Variants in GPATCH2 observed in about 807,000 individuals in gnomAD.
GPATCH2 encodes G-patch domain containing 2.
GPATCH2 carries 51 observed loss-of-function variants against 58.0 expected under a neutral mutation model. The observed-to-expected ratio is 0.88, with a 90% CI of 0.70 to 1.11. The LOEUF is 1.11. GPATCH2 is among the 50% of genes most tolerant of loss of function. The pLI, the probability that GPATCH2 is intolerant of heterozygous loss-of-function variation, is 0.00. For missense variants in GPATCH2, 625 were observed against 652.2 expected (o/e 0.96, Z 0.45); for synonymous variants, 222 against 218.5 (o/e 1.02, Z -0.14).
At chr1:217,493,959 G>GAA in intron 7 of GPATCH2, among the ~76,000 whole-genome samples, 1 of 149,172 alleles carries the variant, frequency 6.7e-6, no homozygotes, top group Middle Eastern at 3.4e-3. Flanking sequence ...AAATGTTATG[G>GAA]AAAAAAAAAT....
intron 8 of GPATCH2, among the ~76,000 whole-genome samples, chr1:217,475,224 A>C (rs1660916384): frequency 6.6e-6 from 1 of 152,176 alleles, no homozygotes; most frequent in East Asian, 1.9e-4. Flanking sequence ...GGATCATTTG[A>C]GGTCAGGAGT....
chr1:217,553,562 G>A (rs1386912658), intron 5 of GPATCH2, among the ~76,000 whole-genome samples: 2 of 151,760 alleles, frequency 1.3e-5, no homozygotes, highest in African/African-American at 4.8e-5. Flanking sequence ...AAAGTATTTA[G>A]GGAACATTAA....
intron 5 of GPATCH2, among the ~76,000 whole-genome samples, chr1:217,555,929 T>A (rs184790405): frequency 1.8e-4 from 28 of 152,308 alleles, no homozygotes; most frequent in African/African-American, 6.7e-4. Context: ...ATACAGGTCA[T>A]ACTCCAAATT....
intron 5 of GPATCH2, chr1:217,609,911 A>C (rs1668543937): frequency 8.9e-7 from 1 of 1,124,630 alleles, no homozygotes; most frequent in Admixed American, 4.8e-5. Flanking sequence ...AGAGAAAAAT[A>C]TATAATTTAC....
In GPATCH2 at chr1:217,522,910, AAAG is replaced by A. The variant is rs1663543539; in HGVS notation, c.1099-8024_1099-8022del. ...GCAAACTGACTTTGGAGGCAAACAC[AAAG>A]AAGACTGAATTTAAAAACTTGAAAG... On this transcript the variant is annotated intron_variant, in intron 5 of 9. Transcript: ENST00000366935. Among the ~76,000 whole-genome samples the A allele has an allele frequency of 1.3e-5, 2 of 151,838 alleles. 1 individual carries two copies. Among genetic ancestry groups the A allele is most frequent in the African/African-American group, 4.9e-5 (2 of 41,094 alleles).
At chr1:217,436,380 G>A (rs1183927187) in intron 9 of GPATCH2, among the ~76,000 whole-genome samples, 3 of 152,126 alleles carry the variant, frequency 2.0e-5, no homozygotes, top group Admixed American at 6.5e-5. Flanking sequence ...AAATTTTAAT[G>A]GTCCTCAGAG....
intron 1 of GPATCH2, among the ~76,000 whole-genome samples, chr1:217,622,642 C>T (rs1669251384): frequency 6.6e-6 from 1 of 152,214 alleles, no homozygotes. Flanking sequence ...CTCCCGGGTT[C>T]AAGTGATTCT....
chr1:217,617,934 T>C (rs1668974581), intron 2 of GPATCH2, among the ~76,000 whole-genome samples: 1 of 151,914 alleles, frequency 6.6e-6, no homozygotes. Flanking sequence ...TTACATGTCC[T>C]ATAAAAAAGC....
chr1:217,479,431 G>C (rs1003469109), intron 8 of GPATCH2, among the ~76,000 whole-genome samples: 1 of 152,144 alleles, frequency 6.6e-6, no homozygotes, highest in African/African-American at 2.4e-5. Flanking sequence ...TATGCAAACA[G>C]TGTTGTTATA....
chr1:217,560,118 C>G (rs552011841), intron 5 of GPATCH2, among the ~76,000 whole-genome samples: 89 of 152,318 alleles, frequency 5.8e-4, no homozygotes, highest in Non-Finnish European at 1.1e-3. Context: ...GTTGGGATTA[C>G]AGGTGTGAGC....
At chr1:217,449,192 C>T (rs948033115) in intron 9 of GPATCH2, 57 bp downstream of exon 9, 17 of 898,502 alleles carry the variant, frequency 1.9e-5, no homozygotes, top group Non-Finnish European at 3.2e-5. Flanking sequence ...ACATTTTATT[C>T]TTCATGATTT....
chr1:217,463,641 C>T (rs1482718429), intron 8 of GPATCH2, among the ~76,000 whole-genome samples: 1 of 82,454 alleles, frequency 1.2e-5, no homozygotes, highest in African/African-American at 6.7e-5. Flanking sequence ...CTTATCACTC[C>T]AAAAAAAAAA....
At chr1:217,471,930 T>C (rs1016340368) in intron 8 of GPATCH2, among the ~76,000 whole-genome samples, 1 of 152,186 alleles carries the variant, frequency 6.6e-6, no homozygotes, top group African/African-American at 2.4e-5. Context: ...TAAAAGACAC[T>C]TTAAAAAATT....
intron 5 of GPATCH2, among the ~76,000 whole-genome samples, chr1:217,524,564 C>G (rs370714653): frequency 0.026 from 3,939 of 151,624 alleles, 75 homozygotes; most frequent in East Asian, 0.077. Flanking sequence ...ACTCCAGCCT[C>G]GGCACCATTG....
At chr1:217,527,274 A>T (rs1457739749) in intron 5 of GPATCH2, among the ~76,000 whole-genome samples, 2 of 152,132 alleles carry the variant, frequency 1.3e-5, no homozygotes, top group South Asian at 2.1e-4. Flanking sequence ...GGTGTCAAAA[A>T]GGTTGGAAAG....
chr1:217,539,219 T>C (rs1364579550), intron 5 of GPATCH2, among the ~76,000 whole-genome samples: 3 of 152,114 alleles, frequency 2.0e-5, no homozygotes, highest in Non-Finnish European at 2.9e-5. Context: ...AATTTCAGAA[T>C]GGGAAGCATC....
At chr1:217,582,881 T>A (rs1358176564) in intron 5 of GPATCH2, among the ~76,000 whole-genome samples, 1 of 152,214 alleles carries the variant, frequency 6.6e-6, no homozygotes, top group East Asian at 1.9e-4. Flanking sequence ...GCACCTGAGA[T>A]TGCAGAGTTT....
At chr1:217,592,966 C>T (rs548281126) in intron 5 of GPATCH2, among the ~76,000 whole-genome samples, 1 of 152,012 alleles carries the variant, frequency 6.6e-6, no homozygotes, top group African/African-American at 2.4e-5. Flanking sequence ...TCTATGGTAA[C>T]AGTCATCTAA....
At chr1:217,472,911 T>C (rs746835506) in intron 8 of GPATCH2, among the ~76,000 whole-genome samples, 3 of 152,246 alleles carry the variant, frequency 2.0e-5, no homozygotes, top group Admixed American at 6.5e-5. Flanking sequence ...TAGTCCCCCC[T>C]AGAAACAGGA....
Sources: allele counts gnomAD v4.1 joint callset (sites outside exome capture counted in the v4.1 genomes callset), GRCh38; gene constraint gnomAD v4.1.1; transcripts MANE v1.5; gene names NCBI Gene and HGNC (gene_info 2026-07-23, HGNC 2026-07-21).